CSMD1: variants seen among roughly 807,000 people sequenced by gnomAD.
CSMD1 encodes CUB and Sushi multiple domains 1, also known as CUB and sushi domain-containing protein 1.
Under a neutral mutation model 417.5 loss-of-function variants are expected in CSMD1, and 213 were observed. The ratio of observed to expected loss-of-function variants is 0.51; its 90% CI spans 0.46 to 0.57. CSMD1 has a LOEUF of 0.57. Ranked by LOEUF, CSMD1 falls within the 20% of genes least tolerant of loss-of-function variation. CSMD1 has a pLI of 0.00. For missense variants in CSMD1, 6,923 were observed against 4,529.7 expected (o/e 1.53, Z -15.17); for synonymous variants, 2,862 against 1,736.8 (o/e 1.65, Z -16.11).
intron 5 of CSMD1, among the ~76,000 whole-genome samples, chr8:3,810,308 C>A (rs950802290): frequency 5.3e-5 from 8 of 152,150 alleles, no homozygotes; most frequent in Admixed American, 3.9e-4. Context: ...CAAGACAAAA[C>A]CCAAACAACC....
intron 26 of CSMD1, among the ~76,000 whole-genome samples, chr8:3,256,213 A>G (rs1585818481): frequency 6.6e-6 from 1 of 151,304 alleles, no homozygotes; most frequent in Non-Finnish European, 1.5e-5. Flanking sequence ...TGTAATCCCA[A>G]CTACTCAGGG....
At chr8:3,990,758 G>A (rs1814681100) in intron 5 of CSMD1, among the ~76,000 whole-genome samples, 1 of 152,150 alleles carries the variant, frequency 6.6e-6, no homozygotes, top group South Asian at 2.1e-4. Context: ...AGGGGCACCT[G>A]CTGGTGAGTC....
At chr8:4,445,539 G>A (rs1428754203) in intron 2 of CSMD1, among the ~76,000 whole-genome samples, 1 of 152,164 alleles carries the variant, frequency 6.6e-6, no homozygotes, top group Non-Finnish European at 1.5e-5. Flanking sequence ...CATTTGGGTA[G>A]CTTGTGTGAT....
At chr8:3,800,997 C>G (rs1014151364) in intron 5 of CSMD1, among the ~76,000 whole-genome samples, 1 of 151,878 alleles carries the variant, frequency 6.6e-6, no homozygotes, top group African/African-American at 2.4e-5. Context: ...AATTTCATAG[C>G]TAAAATCATA....
At chr8:4,390,650 A>G (rs1191122284) in intron 3 of CSMD1, among the ~76,000 whole-genome samples, 1 of 151,990 alleles carries the variant, frequency 6.6e-6, no homozygotes, top group African/African-American at 2.4e-5. Flanking sequence ...AGGAGCTGGG[A>G]CGACAGGCAC....
At chr8:4,413,893 T>A (rs906722224) in intron 3 of CSMD1, among the ~76,000 whole-genome samples, 1 of 152,210 alleles carries the variant, frequency 6.6e-6, no homozygotes, top group African/African-American at 2.4e-5. Flanking sequence ...TTTACCAGTC[T>A]AAGTTACCTA....
At chr8:4,398,260 G>C (rs1184065234) in intron 3 of CSMD1, among the ~76,000 whole-genome samples, 1 of 151,990 alleles carries the variant, frequency 6.6e-6, no homozygotes, top group Non-Finnish European at 1.5e-5. Flanking sequence ...GTAATATTGT[G>C]GTGTGGTTAT....
chr8:4,400,143 A>G (rs570110473), intron 3 of CSMD1, among the ~76,000 whole-genome samples: 2 of 152,322 alleles, frequency 1.3e-5, no homozygotes, highest in Admixed American at 6.5e-5. Context: ...GTATTTGGGA[A>G]AATATAGCTG....
chr8:4,424,697 G>A (rs992602044), intron 2 of CSMD1, among the ~76,000 whole-genome samples: 1 of 151,998 alleles, frequency 6.6e-6, no homozygotes, highest in African/African-American at 2.4e-5. Flanking sequence ...ACTGCCATCT[G>A]ACCAAACAAT....
chr8:4,312,424 CGT>C lies in CSMD1; in HGVS notation c.415+107527_415+107528del, dbSNP rs1491144926. ...ATATATATGCGTGTATATATATGCG[CGT>C]ATATATATATGCGTATATATATACG... On this transcript the variant is annotated intron_variant, in intron 3 of 69. Coordinates refer to ENST00000635120, the MANE Select transcript of CSMD1 (RefSeq NM_033225.6). Among the ~76,000 whole-genome samples, 31 of 102,680 alleles carry C rather than the reference CGT, an allele frequency of 3.0e-4. 5 individuals are homozygous for C. The highest frequency in any genetic ancestry group is 2.8e-3 in the African/African-American group (31 of 10,936). The allele number at this position is 102,680 out of a possible 152,430, so 67.4% of individuals were successfully genotyped here.
intron 11 of CSMD1, among the ~76,000 whole-genome samples, chr8:3,493,157 G>A (rs769792775): frequency 1.3e-5 from 2 of 151,942 alleles, no homozygotes; most frequent in African/African-American, 4.8e-5. Flanking sequence ...AGCCTGGCAT[G>A]ATGGCACACA....
intron 1 of CSMD1, among the ~76,000 whole-genome samples, chr8:4,823,473 C>G (rs947127381): frequency 6.6e-6 from 1 of 151,822 alleles, no homozygotes; most frequent in South Asian, 2.1e-4. Flanking sequence ...TTAGGGCAAC[C>G]GAGGATTCCA....
At chr8:3,783,574 G>A (rs1385852236) in intron 5 of CSMD1, among the ~76,000 whole-genome samples, 3 of 152,208 alleles carry the variant, frequency 2.0e-5, no homozygotes, top group African/African-American at 4.8e-5. Flanking sequence ...CCTGGCACAG[G>A]TGAGAGAGTT....
At position 3,349,867 on chromosome 8, in the gene CSMD1, ATATATT is replaced by A. The variant is rs1808282855; in HGVS notation, c.3305-1712_3305-1707del. ...GATATAAATATATATAATTATATAA[ATATATT>A]TATATCTATATATATATTTATAATA... On this transcript the variant is annotated intron_variant, in intron 21 of 69. Coordinates refer to ENST00000635120, the MANE Select transcript of CSMD1 (RefSeq NM_033225.6). Among the ~76,000 whole-genome samples the A allele has an allele frequency of 6.3e-5, 5 of 79,860 alleles. No individual in the cohort carries two copies. The East Asian group carries it at 2.3e-3, about 37-fold the overall frequency. 52.4% of individuals were successfully genotyped at this position (79,860 alleles called of 152,430 possible). A position where few individuals can be genotyped will look rare whatever the true frequency, so the allele number is the denominator to read the frequency against.
chr8:2,951,347 G>A (rs1802615730), intron 65 of CSMD1, 72 bp from the exon 66 acceptor site: 1 of 1,449,804 alleles, frequency 6.9e-7, no homozygotes, highest in Non-Finnish European at 9.3e-7. Flanking sequence ...ATTAAACACA[G>A]AAGGCATCAT....
At chr8:3,632,428 G>C (rs1432154990) in intron 7 of CSMD1, among the ~76,000 whole-genome samples, 2 of 152,010 alleles carry the variant, frequency 1.3e-5, no homozygotes, top group African/African-American at 2.4e-5. Flanking sequence ...TGTTATAGGA[G>C]ATTATTTTTT....
At chr8:3,909,231 C>T (rs1241871329) in intron 5 of CSMD1, among the ~76,000 whole-genome samples, 2 of 152,126 alleles carry the variant, frequency 1.3e-5, no homozygotes, top group African/African-American at 4.8e-5. Context: ...CAACCTCGTC[C>T]TGGCTTGGAG....
rs114393029 is a variant in CSMD1, at chr8:3,886,643, G to C, written c.818+111260C>G. Among the ~76,000 whole-genome samples, 1,116 of 152,222 alleles carry C rather than the reference G, an allele frequency of 7.3e-3. 14 individuals carry two copies. Among genetic ancestry groups the C allele is most frequent in the African/African-American group, 0.026 (1,061 of 41,536 alleles). ...TAGGCTGCAGTTTGCTGAGTAGTGA[G>C]ATGTATCTTCTAACAACAGCTACTG... On this transcript the variant is annotated intron_variant, in intron 5 of 69. Transcript: ENST00000635120.
At chr8:4,313,957 C>T (rs1355196447) in intron 3 of CSMD1, among the ~76,000 whole-genome samples, 5 of 151,582 alleles carry the variant, frequency 3.3e-5, no homozygotes, top group Admixed American at 6.6e-5. Flanking sequence ...GAGGTTGCAG[C>T]GAGCCGAGAC....
Sources: allele counts gnomAD v4.1 joint callset (sites outside exome capture counted in the v4.1 genomes callset), GRCh38; gene constraint gnomAD v4.1.1; transcripts MANE v1.5; gene names NCBI Gene and HGNC (gene_info 2026-07-23, HGNC 2026-07-21).